LRIG2: variants seen among roughly 807,000 people sequenced by gnomAD.
LRIG2 encodes leucine-rich repeats and immunoglobulin-like domains protein 2.
In LRIG2, 93 loss-of-function variants were observed where a neutral mutation model predicts 107.8. That is an observed-to-expected ratio of 0.86 (90% CI 0.73 to 1.03). The LOEUF is 1.03. Among genes scored for constraint, LRIG2 ranks in the 50% least tolerant of loss-of-function variants. The pLI is 0.00. For missense variants in LRIG2, 1,226 were observed against 1,296.0 expected (o/e 0.95, Z 0.83); for synonymous variants, 471 against 470.6 (o/e 1.00, Z -0.01).
intron 15 of LRIG2, among the ~76,000 whole-genome samples, chr1:113,115,297 G>A (rs1015473902): frequency 5.3e-5 from 8 of 152,132 alleles, no homozygotes; most frequent in East Asian, 1.9e-4. Context: ...TCACTGCAGC[G>A]TTGACTTCCC....
rs1557890849 is a variant in LRIG2, at chr1:113,073,262, C to T, written c.-145C>T. On this transcript the variant is annotated 5_prime_UTR_variant, in exon 1 of 18. Coordinates refer to ENST00000361127, the MANE Select transcript of LRIG2 (RefSeq NM_014813.3). Reference sequence around the variant, plus strand: ...CGACCCCGCTGTCGCGCTGCGTCTGCTCCTTGCATGCCTTTAGATGGTACA... The same window carrying T: ...CGACCCCGCTGTCGCGCTGCGTCTGTTCCTTGCATGCCTTTAGATGGTACA... 2.8e-6 allele frequency: 2 copies of T among 706,786 alleles called. No homozygotes were observed. Among genetic ancestry groups the T allele is most frequent in the African/African-American group, 1.8e-5 (1 of 56,512 alleles). 43.8% of individuals were successfully genotyped at this position (706,786 alleles called of 1,614,324 possible).
At chr1:113,086,000 GTTTTTTTTTTTT>G (rs34131524) in intron 1 of LRIG2, among the ~76,000 whole-genome samples, 3 of 65,022 alleles carry the variant, frequency 4.6e-5, no homozygotes, top group Non-Finnish European at 8.4e-5. Flanking sequence ...TAACCCTGAG[GTTTTTTTTTTTT>G]TTTTTTTTTT....
In LRIG2 at chr1:113,089,251, C is replaced by G. The variant is rs142766209; in HGVS notation, c.240-2067C>G. ...TTGCTAGCCATATTGTAACATACAG[C>G]ACATCTTTTAGGCAGACAGCTTGTG... On this transcript the variant is annotated intron_variant, in intron 1 of 17. Transcript: ENST00000361127. Among the ~76,000 whole-genome samples, 1,471 of 152,292 alleles carry G rather than the reference C, an allele frequency of 9.7e-3. 12 individuals are homozygous for G. Among genetic ancestry groups the G allele is most frequent in the South Asian group, 0.014 (69 of 4,830 alleles).
intron 11 of LRIG2, among the ~76,000 whole-genome samples, chr1:113,102,190 TTAAA>T (rs1248541621): frequency 6.6e-6 from 1 of 152,200 alleles, no homozygotes; most frequent in African/African-American, 2.4e-5. Flanking sequence ...AGTAGAATAA[TTAAA>T]TATCTACAAT....
At chr1:113,084,244 C>G (rs1476423610) in intron 1 of LRIG2, among the ~76,000 whole-genome samples, 1 of 115,306 alleles carries the variant, frequency 8.7e-6, no homozygotes, top group Non-Finnish European at 1.7e-5. Flanking sequence ...GAGACAGAGT[C>G]TTGTTCTGTC....
At chr1:113,080,734 T>A (rs1334251467) in intron 1 of LRIG2, among the ~76,000 whole-genome samples, 2 of 152,138 alleles carry the variant, frequency 1.3e-5, no homozygotes, top group Middle Eastern at 6.3e-3. Flanking sequence ...TACCTCATTA[T>A]CCATAGTAAA....
rs368538650 is a variant in LRIG2, at chr1:113,110,264, A to G, written c.1500A>G (p.Ile500Met). The change falls in exon 13 of 18, where the codon ATA (isoleucine) becomes ATG (methionine). Residue 500 changes from isoleucine (I) to methionine (M), a missense_variant. Ile to Met is a conservative substitution (Grantham distance 10, BLOSUM62 1). Transcript: ENST00000361127. ...FVCDDFLKPQ[I>M]RTHPETIIAL... ...TAGATGATTTTCTCAAGCCACAGAT[A>G]AGGACACATCCTGAAACCATAATTG... The G allele has an allele frequency of 6.2e-6, 10 of 1,607,858 alleles. No homozygotes were observed. In the East Asian group the frequency reaches 8.9e-5, roughly 14 times the overall value.
chr1:113,110,138 C>A (rs541228714), intron 12 of LRIG2, 104 bp from the exon 13 acceptor site: 138 of 793,834 alleles, frequency 1.7e-4, no homozygotes, highest in Non-Finnish European at 2.6e-4. Context: ...CTTTAATATG[C>A]CACTTTGTAA....
At chr1:113,098,808 A>G in intron 9 of LRIG2, 23 bp downstream of exon 9, 1 of 1,378,340 alleles carries the variant, frequency 7.3e-7, no homozygotes, top group Non-Finnish European at 1.0e-6. Context: ...ATATTTATGT[A>G]TGTCTACATA....
chr1:113,082,251 T>G (rs894562379), intron 1 of LRIG2, among the ~76,000 whole-genome samples: 1 of 152,234 alleles, frequency 6.6e-6, no homozygotes, highest in African/African-American at 2.4e-5. Context: ...TAGTGATATC[T>G]TCAAGACATT....
At position 113,114,794 on chromosome 1, in the gene LRIG2, TG is replaced by T; in HGVS notation, c.2449del (p.Val817LeufsTer6). 6.2e-7 allele frequency: 1 copy of T among 1,614,166 alleles called. No individual in the cohort carries two copies. Among genetic ancestry groups the T allele is most frequent in the South Asian group, 1.1e-5 (1 of 91,080 alleles). ...GIVIIVVVCCVVGTSLIWVIV... is the reference protein window; with the variant it reads ...GIVIIVVVCCXVGTSLIWVIV... ...TTGTCATCATTGTTGTGGTCTGCTG[TG>T]TTGTTGGCACTTCTTTGATCTGGGT... On this transcript the variant is annotated frameshift_variant, in exon 15 of 18. Transcript: ENST00000361127. LOFTEE classifies it high-confidence loss of function.
At position 113,119,484 on chromosome 1, in the gene LRIG2, A is replaced by G. The variant is rs1655155283; in HGVS notation, c.2932A>G (p.Ile978Val). 1.2e-6 allele frequency: 2 copies of G among 1,614,160 alleles called. No homozygotes were observed. The highest frequency in any genetic ancestry group is 1.7e-6 in the Non-Finnish European group (2 of 1,180,024). ...TGCCTTTCCCACCAACCATGAGAGG[A>G]TAAGTGAGAAGAAACTTCCCTCCAC... Reference protein sequence around the residue: ...PSAFPTNHERISEKKLPSTQM... With the variant: ...PSAFPTNHERVSEKKLPSTQM... The change falls in exon 17 of 18, where the codon ATA becomes GTA. Residue 978 changes from isoleucine to valine, a missense_variant. By Grantham distance (29) the Ile-to-Val change is conservative. Coordinates refer to ENST00000361127, the MANE Select transcript of LRIG2 (RefSeq NM_014813.3).
At position 113,073,570 on chromosome 1, in the gene LRIG2, AC is replaced by A. The variant is rs747302676; in HGVS notation, c.165del (p.Cys56AlafsTer47). ...APCSCRIPLL[D>X]CSRRKLPAPS... ...TGCTCCTGCCGCATTCCTCTCCTGG[AC>A]TGCAGTCGCAGGAAATTGCCCGCAC... On this transcript the variant is annotated frameshift_variant, in exon 1 of 18. Transcript: ENST00000361127. LOFTEE classifies it high-confidence loss of function. 1 of 1,613,788 alleles carries A rather than the reference AC, an allele frequency of 6.2e-7. No homozygotes were observed. The highest frequency in any genetic ancestry group is 1.1e-5 in the South Asian group (1 of 91,066).
intron 1 of LRIG2, among the ~76,000 whole-genome samples, chr1:113,079,433 C>G (rs1246878721): frequency 1.3e-5 from 2 of 151,392 alleles, no homozygotes; most frequent in African/African-American, 4.8e-5. Context: ...ACCTGTAATC[C>G]CAGCACTTTG....
chr1:113,097,379 G>T (rs1654111537), intron 8 of LRIG2, among the ~76,000 whole-genome samples: 1 of 152,060 alleles, frequency 6.6e-6, no homozygotes, highest in South Asian at 2.1e-4. Context: ...GAAGAGGCAG[G>T]TTCCCAACTT....
intron 3 of LRIG2, 66 bp downstream of exon 3, chr1:113,093,346 A>G: frequency 3.2e-6 from 5 of 1,556,082 alleles, no homozygotes; most frequent in Non-Finnish European, 3.5e-6. Flanking sequence ...TTTTTAAAGC[A>G]CATATATTGT....
In LRIG2 at chr1:113,096,027, G is replaced by C; in HGVS notation, c.947+10G>C. On this transcript the variant is annotated intron_variant, in intron 7 of 17. Transcript: ENST00000361127. The stretch of plus-strand genomic sequence containing the variant: ...AAAGACTATCCGAACTGTAAGTGTT[G>C]GATAGCATTTCACTGGAGGCAGTTA... The C allele has an allele frequency of 6.2e-7, 1 of 1,614,046 alleles. No homozygotes were observed. The highest frequency in any genetic ancestry group is 8.5e-7 in the Non-Finnish European group (1 of 1,179,938).
At position 113,112,536 on chromosome 1, in the gene LRIG2, C is replaced by A. The variant is rs748541757; in HGVS notation, c.1856C>A (p.Ala619Asp). 1 of 1,613,916 alleles carries A rather than the reference C, an allele frequency of 6.2e-7. No individual in the cohort carries two copies. The highest frequency in any genetic ancestry group is 1.1e-5 in the South Asian group (1 of 91,066). The stretch of plus-strand genomic sequence containing the variant: ...CTGACTATTCGCACTGGTGCCATGG[C>A]CAGATTAGAATGTGCTGCAGAGGGA... ...MDLTIRTGAM[A>D]RLECAAEGHP... Residue 619 changes from alanine (A) to aspartate (D), a missense_variant, in exon 14 of 18, where the codon GCC becomes GAC. Physicochemically the swap from Ala to Asp is moderately radical, Grantham distance 126 (BLOSUM62 -2). Transcript: ENST00000361127.
intron 11 of LRIG2, among the ~76,000 whole-genome samples, chr1:113,101,173 C>T (rs1216810): frequency 0.87 from 131,712 of 152,158 alleles, 59,525 homozygotes; most frequent in Non-Finnish European, 0.98. Flanking sequence ...TGGGTTCAAG[C>T]GGTTCTCACC....
Sources: gnomAD v4.1 joint callset for allele counts (sites outside exome capture counted in the v4.1 genomes callset) on GRCh38, gnomAD v4.1.1 for gene constraint, MANE v1.5 for transcripts, NCBI Gene and HGNC (gene_info 2026-07-23, HGNC 2026-07-21) for gene names.